Variants in NKTR observed in about 807,000 individuals in gnomAD.
NKTR encodes NK-tumor recognition protein.
A neutral mutation model predicts 156.3 loss-of-function variants in NKTR; 67 were observed. The ratio of observed to expected loss-of-function variants is 0.43; its 90% CI spans 0.35 to 0.53. The LOEUF (loss-of-function observed/expected upper bound fraction) is 0.53, where lower values mean the gene tolerates loss of function less well. Ranked by LOEUF, NKTR falls within the 20% of genes least tolerant of loss-of-function variation. The pLI, the probability that NKTR is intolerant of heterozygous loss-of-function variation, is 0.01. For missense variants in NKTR, 1,604 were observed against 1,730.9 expected (o/e 0.93, Z 1.30); for synonymous variants, 640 against 596.6 (o/e 1.07, Z -1.06).
At chr3:42,604,017 G>A (rs1261904012) in intron 2 of NKTR, among the ~76,000 whole-genome samples, 2 of 152,206 alleles carry the variant, frequency 1.3e-5, no homozygotes, top group African/African-American at 4.8e-5. Flanking sequence ...AATTACAGGT[G>A]TGAGCCACGG....
At chr3:42,635,744 A>C (rs1391308858) in intron 12 of NKTR, among the ~76,000 whole-genome samples, 1 of 152,048 alleles carries the variant, frequency 6.6e-6, no homozygotes, top group Non-Finnish European at 1.5e-5. Context: ...CATCTCTACT[A>C]AAAATACAAA....
chr3:42,635,618 A>G (rs1163977793), intron 12 of NKTR: 5 of 272,270 alleles, frequency 1.8e-5, no homozygotes, highest in African/African-American at 8.8e-5. Flanking sequence ...AGTCAATTTT[A>G]GAAATAATTA....
rs373176971 is a variant in NKTR at position 42,639,225 on chromosome 3, A to T, written c.3521A>T (p.Glu1174Val). The T allele has an allele frequency of 7.4e-6, 12 of 1,614,078 alleles. No individual in the cohort carries two copies. In the African/African-American group the frequency reaches 1.6e-4, roughly 22 times the overall value. ...QDMATEHPQA[E>V]VVKQESSMSE... is the part of the protein sequence containing the mutation. ...ATGGCAACGGAACATCCTCAAGCAG[A>T]GGTAGTAAAACAGGAAAGCAGCATG... Residue 1174 changes from glutamate to valine, a missense_variant, in exon 13 of 17, where the codon GAG (glutamate) becomes GTG (valine). Physicochemically the swap from Glu to Val is moderately radical, Grantham distance 121. Around this residue, in one of 6 missense-constraint regions of NKTR, gnomAD observed 1,255 missense variants for 1,243.7 expected, o/e 1.01. Coordinates refer to ENST00000232978, the MANE Select transcript of NKTR (RefSeq NM_005385.4).
Position 42,619,012 on chromosome 3 carries a change from T to C in NKTR, c.134-8T>C. 1 of 1,566,796 alleles carries C rather than the reference T, an allele frequency of 6.4e-7. No individual in the cohort carries two copies. Among genetic ancestry groups the C allele is most frequent in the Non-Finnish European group, 8.6e-7 (1 of 1,164,224 alleles). The stretch of plus-strand genomic sequence containing the variant: ...AACTTCATTTCTTTTTTTTTTTTTT[T>C]TTTCCAGGAGAGAAAGGCCTTGGGA... On this transcript the variant is annotated splice_region_variant and splice_polypyrimidine_tract_variant and intron_variant, in intron 3 of 16. Coordinates refer to ENST00000232978, the MANE Select transcript of NKTR (RefSeq NM_005385.4).
intron 2 of NKTR, 101 bp downstream of exon 2, chr3:42,601,165 G>T: frequency 3.1e-6 from 3 of 974,588 alleles, no homozygotes. Context: ...TTGGGAGCGG[G>T]TAGGAGGCGC....
chr3:42,613,849 G>C (rs557257081), intron 2 of NKTR, among the ~76,000 whole-genome samples: 28 of 152,284 alleles, frequency 1.8e-4, no homozygotes, highest in African/African-American at 6.5e-4. Flanking sequence ...ATTAAATTTA[G>C]AAACTAGTCC....
At chr3:42,635,182 G>A (rs1436388506) in intron 11 of NKTR, 39 bp from the exon 12 acceptor site, 2 of 1,577,794 alleles carry the variant, frequency 1.3e-6, no homozygotes, top group Non-Finnish European at 1.7e-6. Context: ...CTGTCGTGGA[G>A]AGGCATTTTT....
intron 4 of NKTR, 171 bp from the exon 5 acceptor site, chr3:42,619,493 C>A: frequency 7.0e-7 from 1 of 1,435,616 alleles, no homozygotes; most frequent in South Asian, 1.5e-5. Context: ...TGTAATGGGA[C>A]TTGACATATA....
intron 6 of NKTR, chr3:42,629,077 TTTC>T (rs1708661426): frequency 1.1e-6 from 1 of 942,734 alleles, no homozygotes; most frequent in East Asian, 1.2e-4. Flanking sequence ...TCTGTACCAA[TTTC>T]TTGTCTTTAG....
chr3:42,627,803 G>A, intron 6 of NKTR: 1 of 984,770 alleles, frequency 1.0e-6, no homozygotes, highest in Non-Finnish European at 1.2e-6. Context: ...AAACATTTTT[G>A]ATAGCCTCTG....
intron 15 of NKTR, 108 bp downstream of exon 15, chr3:42,643,503 T>TG: frequency 1.1e-6 from 1 of 904,586 alleles, no homozygotes. Context: ...TGCATATATT[T>TG]GTCTCCTGAA....
chr3:42,601,001 G>T lies in NKTR; in HGVS notation c.-6G>T. 1 of 1,562,940 alleles carries T rather than the reference G, an allele frequency of 6.4e-7. No individual in the cohort carries two copies. Among genetic ancestry groups the T allele is most frequent in the Non-Finnish European group, 8.6e-7 (1 of 1,156,780 alleles). On this transcript the variant is annotated 5_prime_UTR_variant, in exon 2 of 17. Coordinates refer to ENST00000232978, the MANE Select transcript of NKTR (RefSeq NM_005385.4). Reference sequence around the variant, plus strand: ...TCTCCCAGCTCTTGCCGCCACCTCGGTCGCGATGGGGGCGCAGGACCGGCC... The same window carrying T: ...TCTCCCAGCTCTTGCCGCCACCTCGTTCGCGATGGGGGCGCAGGACCGGCC...
chr3:42,637,678 T>C lies in NKTR; in HGVS notation c.1974T>C (p.Thr658=). The change falls in exon 13 of 17, where the codon ACT becomes ACC. Residue 658 remains threonine (T), a synonymous_variant. Coordinates refer to ENST00000232978, the MANE Select transcript of NKTR (RefSeq NM_005385.4). ...STYSLANIKE[T]GSSSSYHKRE... is the part of the protein sequence containing the mutation. ...ACAGTTTAGCAAATATTAAAGAGAC[T>C]GGTAGCTCATCATCCTACCATAAAA... 1 of 1,613,932 alleles carries C rather than the reference T, an allele frequency of 6.2e-7. No individual in the cohort carries two copies. Among genetic ancestry groups the C allele is most frequent in the Admixed American group, 1.7e-5 (1 of 59,972 alleles).
At chr3:42,633,861 A>T in intron 10 of NKTR, 126 bp downstream of exon 10, 1 of 1,006,176 alleles carries the variant, frequency 9.9e-7, no homozygotes, top group Non-Finnish European at 1.5e-6. Flanking sequence ...ATAGTATGGG[A>T]GTATTAGATT....
intron 6 of NKTR, among the ~76,000 whole-genome samples, chr3:42,621,926 A>ATGGTTTTT (rs530171915): frequency 8.5e-4 from 130 of 152,108 alleles, no homozygotes; most frequent in South Asian, 7.3e-3. Flanking sequence ...TGAGTAAACC[A>ATGGTTTTT]TTGCATGGTT....
chr3:42,600,952 G>T (rs1289853115), intron 1 of NKTR, 32 bp from the exon 2 acceptor site: 1 of 1,430,040 alleles, frequency 7.0e-7, no homozygotes. Flanking sequence ...CCTCGCCCCT[G>T]CCCTGACCGC....
At chr3:42,626,686 T>TGTA (rs1276032282) in intron 6 of NKTR, among the ~76,000 whole-genome samples, 7 of 152,162 alleles carry the variant, frequency 4.6e-5, no homozygotes, top group Admixed American at 1.3e-4. Context: ...AGGTTTCAAA[T>TGTA]GTAGAAGCAT....
In NKTR at chr3:42,643,940, G is replaced by A; in HGVS notation, c.4238G>A (p.Ser1413Asn). 1 of 1,614,124 alleles carries A rather than the reference G, an allele frequency of 6.2e-7. No individual in the cohort carries two copies. The highest frequency in any genetic ancestry group is 1.3e-5 in the African/African-American group (1 of 75,034). Residue 1413 changes from serine (S) to asparagine (N), a missense_variant, in exon 16 of 17, where the codon AGT (serine) becomes AAT (asparagine). Around this residue, in one of 6 missense-constraint regions of NKTR, gnomAD observed 193 missense variants for 220.2 expected, o/e 0.88. Coordinates refer to ENST00000232978, the MANE Select transcript of NKTR (RefSeq NM_005385.4). ...GATAGCTACTATAGCAGGAGTCGGA[G>A]TCGAAGTAGAAGCCAGAGAAGTGAC... ...TYDSYYSRSR[S>N]RSRSQRSDSY...
intron 8 of NKTR, among the ~76,000 whole-genome samples, chr3:42,631,517 C>T (rs1463408135): frequency 6.6e-6 from 1 of 152,168 alleles, no homozygotes; most frequent in Non-Finnish European, 1.5e-5. Flanking sequence ...TTATCCACAC[C>T]ACCAGTATTT....
Sources: gnomAD v4.1 joint callset for allele counts (sites outside exome capture counted in the v4.1 genomes callset) on GRCh38, gnomAD v4.1.1 for gene constraint, gnomAD v4.1.1 regional missense constraint, MANE v1.5 for transcripts, NCBI Gene and HGNC (gene_info 2026-07-23, HGNC 2026-07-21) for gene names.